The following WASHC2A variants were observed in gnomAD, a reference collection of about 807,000 sequenced individuals.
The protein encoded by WASHC2A is WASH complex subunit 2A.
A neutral mutation model predicts 140.3 loss-of-function variants in WASHC2A; 82 were observed. The ratio of observed to expected loss-of-function variants is 0.58; its 90% CI spans 0.49 to 0.70. WASHC2A has a LOEUF of 0.70. WASHC2A is among the 30% of genes least tolerant of loss of function. The probability of loss-of-function intolerance (pLI) is 0.00; values close to 1 mark genes in which losing one functional copy is unlikely to be tolerated. For synonymous variants in WASHC2A, 340 were observed against 560.8 expected (o/e 0.61, Z 5.56); for missense variants, 985 against 1,521.8 (o/e 0.65, Z 5.87).
chr10:50,082,483 ATT>A (rs528898220), intron 5 of WASHC2A, among the ~76,000 whole-genome samples: 21,249 of 114,808 alleles, frequency 0.19, 3,134 homozygotes, highest in Admixed American at 0.3. Context: ...TCTTGACCCT[ATT>A]TTTTTTTTTT....
At chr10:50,115,961 C>CA (rs1842635657) in intron 21 of WASHC2A, among the ~76,000 whole-genome samples, 1 of 151,790 alleles carries the variant, frequency 6.6e-6, no homozygotes, top group African/African-American at 2.4e-5. Context: ...ATTAAAAATA[C>CA]AAAAATTAGC....
chr10:50,129,349 T>G lies in WASHC2A; in HGVS notation c.3088-70T>G, dbSNP rs1197991738. 9 of 1,611,860 alleles carry G rather than the reference T, an allele frequency of 5.6e-6. No homozygotes were observed. The Admixed American group carries it at 1.5e-4, about 27-fold the overall frequency. On this transcript the variant is annotated intron_variant, in intron 28 of 30. Coordinates refer to ENST00000282633, the MANE Select transcript of WASHC2A (RefSeq NM_001005751.3). ...ACCTTACAATATTTTGAGTCACTGA[T>G]TCTTTGCCATGGTAGCTTTGAACAC...
intron 23 of WASHC2A, 22 bp downstream of exon 23, chr10:50,119,791 T>C: frequency 6.2e-7 from 1 of 1,607,494 alleles, no homozygotes. Context: ...GCAATAGTGG[T>C]TCAAGTCTCT....
intron 21 of WASHC2A, among the ~76,000 whole-genome samples, chr10:50,117,608 G>T (rs1477845802): frequency 6.7e-6 from 1 of 149,462 alleles, no homozygotes; most frequent in Non-Finnish European, 1.5e-5. Context: ...CAGAGAGAGA[G>T]ACTCATAATC....
chr10:50,082,095 G>A (rs1481825899), intron 5 of WASHC2A, among the ~76,000 whole-genome samples: 1 of 151,950 alleles, frequency 6.6e-6, no homozygotes, highest in Admixed American at 6.6e-5. Flanking sequence ...TCTGGGAAAT[G>A]GATTGCCTGG....
At chr10:50,094,482 T>TA (rs1840253222) in intron 13 of WASHC2A, among the ~76,000 whole-genome samples, 1 of 151,654 alleles carries the variant, frequency 6.6e-6, no homozygotes, top group Non-Finnish European at 1.5e-5. Flanking sequence ...GGTGCAGTTT[T>TA]TAAAAAACAC....
chr10:50,084,061 A>G lies in WASHC2A; in HGVS notation c.529-11A>G. The G allele has an allele frequency of 4.3e-6, 7 of 1,611,184 alleles. No homozygotes were observed. The highest frequency in any genetic ancestry group is 3.3e-5 in the South Asian group (3 of 90,938). On this transcript the variant is annotated splice_polypyrimidine_tract_variant and intron_variant, in intron 5 of 30. Coordinates refer to ENST00000282633, the MANE Select transcript of WASHC2A (RefSeq NM_001005751.3). ...AAATGTTTGACAGCCTATTCCTTTC[A>G]TGATGTACAGGATCTATACATTGAT...
chr10:50,130,412 C>G (rs967898631), intron 29 of WASHC2A, among the ~76,000 whole-genome samples: 20 of 149,860 alleles, frequency 1.3e-4, no homozygotes, highest in African/African-American at 4.6e-4. Context: ...GGACATTGGC[C>G]CTGGCTGGAG....
Position 50,133,289 on chromosome 10 carries a change from C to T in WASHC2A, c.*344C>T, listed in dbSNP as rs1254014033. 4 of 542,094 alleles carry T rather than the reference C, an allele frequency of 7.4e-6. No individual in the cohort carries two copies. Among genetic ancestry groups the T allele is most frequent in the Non-Finnish European group, 1.4e-5 (4 of 278,444 alleles). 33.6% of individuals were successfully genotyped at this position (542,094 alleles called of 1,614,324 possible). A position where few individuals can be genotyped will look rare whatever the true frequency, so the allele number is the denominator to read the frequency against. ...CCAGAGATAGCAAATGCCACCTGAC[C>T]AGAAGTCTTTGTTATATGGATGGGA... On this transcript the variant is annotated 3_prime_UTR_variant, in exon 31 of 31. Coordinates refer to ENST00000282633, the MANE Select transcript of WASHC2A (RefSeq NM_001005751.3).
chr10:50,091,205 A>G (rs1839894466), intron 9 of WASHC2A, among the ~76,000 whole-genome samples: 1 of 151,674 alleles, frequency 6.6e-6, no homozygotes, highest in East Asian at 1.9e-4. Flanking sequence ...TCAAGTATTA[A>G]AAAGAATAAG....
chr10:50,099,006 C>T lies in WASHC2A; in HGVS notation c.1549-972C>T, dbSNP rs868981590. On this transcript the variant is annotated intron_variant, in intron 16 of 30. Coordinates refer to ENST00000282633, the MANE Select transcript of WASHC2A (RefSeq NM_001005751.3). ...GCCATTGCTAAGTTGATCTCTAAAG[C>T]GATAGTTGAACACAGTGTGAATACC... Among the ~76,000 whole-genome samples the T allele has an allele frequency of 1.1e-4, 16 of 152,086 alleles. No homozygotes were observed. In the East Asian group the frequency reaches 1.2e-3, roughly 11 times the overall value.
intron 28 of WASHC2A, among the ~76,000 whole-genome samples, chr10:50,128,279 A>T (rs1303463844): frequency 2.0e-5 from 3 of 151,860 alleles, no homozygotes; most frequent in Non-Finnish European, 4.4e-5. Context: ...CTCCCTGAAC[A>T]CACATGGTCT....
At chr10:50,089,425 A>G (rs1374914668) in intron 8 of WASHC2A, among the ~76,000 whole-genome samples, 1 of 150,740 alleles carries the variant, frequency 6.6e-6, no homozygotes, top group Admixed American at 6.7e-5. Context: ...TGATTCAAAC[A>G]TTGAAAAAAA....
intron 19 of WASHC2A, among the ~76,000 whole-genome samples, chr10:50,109,259 A>G (rs1842059297): frequency 6.6e-6 from 1 of 152,246 alleles, no homozygotes; most frequent in Non-Finnish European, 1.5e-5. Context: ...GTGTGAGCAT[A>G]GTCGAGTAGA....
intron 13 of WASHC2A, 145 bp from the exon 14 acceptor site, chr10:50,095,003 G>T (rs1840333050): frequency 4.6e-6 from 7 of 1,505,968 alleles, no homozygotes; most frequent in Non-Finnish European, 5.4e-6. Context: ...AAATACTAAA[G>T]AATTTTAAAA....
At chr10:50,088,991 G>A in intron 8 of WASHC2A, among the ~76,000 whole-genome samples, 1 of 123,620 alleles carries the variant, frequency 8.1e-6, no homozygotes, top group East Asian at 2.4e-4. Context: ...TTGAGACAGA[G>A]TCTCTCTCTG....
At chr10:50,124,410 T>G (rs1843249646) in intron 23 of WASHC2A, among the ~76,000 whole-genome samples, 3 of 151,926 alleles carry the variant, frequency 2.0e-5, no homozygotes, top group Admixed American at 2.0e-4. Flanking sequence ...GGCCTTTTTG[T>G]TAAGTTTTAA....
intron 3 of WASHC2A, among the ~76,000 whole-genome samples, chr10:50,071,960 G>A (rs1837871572): frequency 7.2e-6 from 1 of 139,698 alleles, no homozygotes; most frequent in Non-Finnish European, 1.5e-5. Context: ...CCAGGCTGGA[G>A]TGCAGTGACA....
intron 29 of WASHC2A, among the ~76,000 whole-genome samples, chr10:50,130,268 T>C (rs1361585740): frequency 4.7e-5 from 7 of 149,534 alleles, no homozygotes; most frequent in South Asian, 2.2e-4. Flanking sequence ...TCATTGATAC[T>C]GGTCTTGGTT....
Sources: allele counts gnomAD v4.1 joint callset (sites outside exome capture counted in the v4.1 genomes callset), GRCh38; gene constraint gnomAD v4.1.1; transcripts MANE v1.5; gene names NCBI Gene and HGNC (gene_info 2026-07-23, HGNC 2026-07-21).